Variants in DCLK1 observed in about 807,000 individuals in gnomAD.
The protein encoded by DCLK1 is serine/threonine-protein kinase DCLK1.
DCLK1 carries 16 observed loss-of-function variants against 86.2 expected under a neutral mutation model. The observed-to-expected ratio is 0.19, with a 90% CI of 0.13 to 0.28. DCLK1 has a LOEUF of 0.28. Ranked by LOEUF, DCLK1 falls within the 10% of genes least tolerant of loss-of-function variation. The probability of loss-of-function intolerance (pLI) is 1.00; values close to 1 mark genes in which losing one functional copy is unlikely to be tolerated. For synonymous variants in DCLK1, 369 were observed against 370.5 expected, an observed-to-expected ratio of 1.00 and a Z score of 0.05; for missense variants, 590 against 940.2, an observed-to-expected ratio of 0.63 and a Z score of 4.87.
chr13:35,977,064 A>C (rs1015934586), intron 3 of DCLK1, among the ~76,000 whole-genome samples: 2 of 152,232 alleles, frequency 1.3e-5, no homozygotes, highest in African/African-American at 4.8e-5. Flanking sequence ...TGAAACTTGC[A>C]TCCACTCCAG....
intron 3 of DCLK1, among the ~76,000 whole-genome samples, chr13:35,999,304 T>A (rs1880610246): frequency 1.3e-5 from 2 of 152,102 alleles, no homozygotes; most frequent in African/African-American, 2.4e-5. Flanking sequence ...ACAATTACAC[T>A]TTTTCTGAAT....
intron 3 of DCLK1, among the ~76,000 whole-genome samples, chr13:36,014,440 G>A (rs867039948): frequency 4.6e-5 from 7 of 150,672 alleles, no homozygotes; most frequent in Middle Eastern, 3.4e-3. Flanking sequence ...GATAAAAACT[G>A]TTTTTTTTTA....
intron 3 of DCLK1, among the ~76,000 whole-genome samples, chr13:36,037,656 G>A (rs543278228): frequency 7.8e-4 from 118 of 151,992 alleles, no homozygotes; most frequent in African/African-American, 2.7e-3. Context: ...GTTAATTTTT[G>A]TATTTTTAGT....
At chr13:35,948,065 CA>C (rs1325798414) in intron 3 of DCLK1, among the ~76,000 whole-genome samples, 1 of 152,214 alleles carries the variant, frequency 6.6e-6, no homozygotes, top group Non-Finnish European at 1.5e-5. Context: ...CCAGGCCACC[CA>C]ACTTCTTCTT....
At chr13:35,805,438 A>T in intron 15 of DCLK1, 1 of 367,544 alleles carries the variant, frequency 2.7e-6, no homozygotes, top group Non-Finnish European at 4.9e-6. Flanking sequence ...CTGGGACCAC[A>T]GGCTTGTGCC....
intron 4 of DCLK1, among the ~76,000 whole-genome samples, chr13:35,886,307 G>A (rs773950880): frequency 3.5e-4 from 53 of 152,084 alleles, no homozygotes; most frequent in Admixed American, 3.3e-4. Flanking sequence ...CACCATGCCC[G>A]GCGAATAGGT....
intron 3 of DCLK1, among the ~76,000 whole-genome samples, chr13:36,086,984 C>T (rs1884631100): frequency 1.3e-5 from 2 of 152,228 alleles, no homozygotes; most frequent in South Asian, 2.1e-4. Context: ...GGGTATACAC[C>T]CAGTAATGGG....
rs2086327851 is a variant in DCLK1 at position 35,771,265 on chromosome 13, T to C, written c.*3270A>G. ...TGGATATATTGCTTTCTTTCAACAA[T>C]ATCTGATGGGCCTGTTAACTGCCAC... On this transcript the variant is annotated 3_prime_UTR_variant, in exon 17 of 17. Coordinates refer to ENST00000360631, the MANE Select transcript of DCLK1 (RefSeq NM_001330071.2). 1 of 152,160 alleles carries C rather than the reference T, an allele frequency of 6.6e-6. No individual in the cohort carries two copies. Among genetic ancestry groups the C allele is most frequent in the Admixed American group, 6.5e-5 (1 of 15,278 alleles). The allele number at this position is 152,160 out of a possible 1,614,324, so 9.4% of individuals were successfully genotyped here.
At chr13:36,039,121 A>T (rs1191446623) in intron 3 of DCLK1, among the ~76,000 whole-genome samples, 1 of 152,226 alleles carries the variant, frequency 6.6e-6, no homozygotes, top group African/African-American at 2.4e-5. Flanking sequence ...TCAAATTTAA[A>T]AGCAACTTAG....
At chr13:36,011,812 A>G (rs1039566935) in intron 3 of DCLK1, among the ~76,000 whole-genome samples, 1 of 149,180 alleles carries the variant, frequency 6.7e-6, no homozygotes, top group Non-Finnish European at 1.5e-5. Flanking sequence ...CATCTGTCTA[A>G]TGTTGACAGT....
At chr13:35,933,587 C>A (rs866906957) in intron 4 of DCLK1, among the ~76,000 whole-genome samples, 4 of 152,210 alleles carry the variant, frequency 2.6e-5, no homozygotes, top group African/African-American at 4.8e-5. Context: ...GTGGAAGCTG[C>A]CAAGACTTGG....
chr13:35,907,223 T>A (rs1874735032), intron 4 of DCLK1, among the ~76,000 whole-genome samples: 1 of 152,208 alleles, frequency 6.6e-6, no homozygotes, highest in Admixed American at 6.5e-5. Context: ...AATGCAGTGC[T>A]GCAATCATGG....
intron 3 of DCLK1, among the ~76,000 whole-genome samples, chr13:36,032,363 G>A (rs1047322666): frequency 6.6e-6 from 1 of 151,966 alleles, no homozygotes; most frequent in African/African-American, 2.4e-5. Context: ...GGCTGGTCTC[G>A]AACTCCTGAC....
At chr13:36,130,909 C>T (rs1886341001) in intron 1 of DCLK1, among the ~76,000 whole-genome samples, 1 of 152,116 alleles carries the variant, frequency 6.6e-6, no homozygotes, top group African/African-American at 2.4e-5. Context: ...AGCCCCGGGG[C>T]CGCCCGCACG....
chr13:35,788,282 C>T (rs759868299), intron 16 of DCLK1: 3 of 1,613,876 alleles, frequency 1.9e-6, no homozygotes, highest in Non-Finnish European at 2.5e-6. Flanking sequence ...AACCCGTGGT[C>T]CAGCTGAGCA....
At chr13:35,955,856 G>A (rs559147473) in intron 3 of DCLK1, among the ~76,000 whole-genome samples, 2 of 152,184 alleles carry the variant, frequency 1.3e-5, no homozygotes, top group South Asian at 4.1e-4. Flanking sequence ...GTAAGGCATA[G>A]TAGGTAGGTC....
intron 3 of DCLK1, among the ~76,000 whole-genome samples, chr13:36,052,298 C>T (rs1224405919): frequency 6.6e-6 from 1 of 152,074 alleles, no homozygotes; most frequent in Non-Finnish European, 1.5e-5. Flanking sequence ...ACGAGAAAAT[C>T]ATCTCACTAC....
At chr13:36,115,074 G>A (rs1268690903) in intron 2 of DCLK1, among the ~76,000 whole-genome samples, 1 of 152,148 alleles carries the variant, frequency 6.6e-6, no homozygotes, top group Non-Finnish European at 1.5e-5. Flanking sequence ...GCTGAGGTGG[G>A]AGAATCACTT....
chr13:35,947,339 G>A lies in DCLK1; in HGVS notation c.823+19C>T. ...GCTGCCTCAAATTTCCCCTGGTTTT[G>A]AACTTTTTTTTTCCTTACCACTTTC... On this transcript the variant is annotated intron_variant, in intron 4 of 16. Transcript: ENST00000360631. 1 of 1,608,598 alleles carries A rather than the reference G, an allele frequency of 6.2e-7. No homozygotes were observed. Among genetic ancestry groups the A allele is most frequent in the Non-Finnish European group, 8.5e-7 (1 of 1,175,988 alleles).
Sources: allele counts gnomAD v4.1 joint callset (sites outside exome capture counted in the v4.1 genomes callset), GRCh38; gene constraint gnomAD v4.1.1; transcripts MANE v1.5; gene names NCBI Gene and HGNC (gene_info 2026-07-23, HGNC 2026-07-21).